GRAMD1C: variants seen among roughly 807,000 people sequenced by gnomAD.
The protein encoded by GRAMD1C is GRAM domain containing 1C, also known as protein Aster-C.
In GRAMD1C, 89 loss-of-function variants were observed where a neutral mutation model predicts 97.8. The ratio of observed to expected loss-of-function variants is 0.91; its 90% CI spans 0.77 to 1.09. GRAMD1C has a LOEUF of 1.09. GRAMD1C is among the 50% of genes least tolerant of loss of function. The pLI is 0.00. For missense variants in GRAMD1C, 740 were observed against 766.4 expected, an observed-to-expected ratio of 0.97 and a Z score of 0.41; for synonymous variants, 256 against 267.0, an observed-to-expected ratio of 0.96 and a Z score of 0.40.
rs201759900 is a variant in GRAMD1C, at chr3:113,933,539, G to A, written c.1238G>A (p.Arg413Gln). ...QTLYKESREA[R>Q]FYLVDSEVLT... ...CTGTATAAAGAAAGTCGGGAAGCAC[G>A]ATTTTATTTGGTAGATTCAGAAGTA... Residue 413 changes from arginine (R) to glutamine (Q), a missense_variant, in exon 12 of 18, where the codon CGA (arginine) becomes CAA (glutamine). Coordinates refer to ENST00000358160, the MANE Select transcript of GRAMD1C (RefSeq NM_017577.5). The A allele has an allele frequency of 1.1e-4, 176 of 1,611,720 alleles. 1 individual carries two copies. The East Asian group carries it at 2.2e-3, about 20-fold the overall frequency.
intron 1 of GRAMD1C, among the ~76,000 whole-genome samples, chr3:113,833,126 T>TGTGTGTG (rs1559769409): frequency 6.7e-5 from 10 of 149,668 alleles, no homozygotes; most frequent in African/African-American, 2.2e-4. Flanking sequence ...CTTTCTTTTT[T>TGTGTGTG]TTTTTTTTTG....
intron 10 of GRAMD1C, among the ~76,000 whole-genome samples, chr3:113,920,516 A>G (rs1937005120): frequency 6.6e-6 from 1 of 152,144 alleles, no homozygotes; most frequent in African/African-American, 2.4e-5. Flanking sequence ...GGTGAGAAAA[A>G]TAAATAAAAT....
At chr3:113,888,124 A>G (rs530114871) in intron 6 of GRAMD1C, among the ~76,000 whole-genome samples, 29 of 152,320 alleles carry the variant, frequency 1.9e-4, no homozygotes, top group Non-Finnish European at 4.0e-4. Context: ...TCACAACTTT[A>G]TCTATGAGTA....
intron 7 of GRAMD1C, 68 bp downstream of exon 7, chr3:113,901,214 C>T (rs76416982): frequency 1.8e-5 from 15 of 833,852 alleles, no homozygotes; most frequent in Middle Eastern, 2.4e-4. Flanking sequence ...ATTTTACATT[C>T]GACTAATTCT....
intron 4 of GRAMD1C, chr3:113,875,821 G>A (rs1448789427): frequency 5.0e-6 from 2 of 403,932 alleles, no homozygotes; most frequent in Non-Finnish European, 8.7e-6. Context: ...TTGAAAAAAA[G>A]CTTGAACATA....
chr3:113,883,225 G>A (rs1935326816), intron 6 of GRAMD1C, among the ~76,000 whole-genome samples: 2 of 152,020 alleles, frequency 1.3e-5, no homozygotes, highest in South Asian at 2.1e-4. Flanking sequence ...TAGGCAGAAT[G>A]AAAAAATACA....
At chr3:113,844,424 G>T in intron 1 of GRAMD1C, 79 bp from the exon 2 acceptor site, 1 of 933,444 alleles carries the variant, frequency 1.1e-6, no homozygotes, top group Non-Finnish European at 1.7e-6. Flanking sequence ...TAATGTATAT[G>T]TTGTGAACAT....
intron 1 of GRAMD1C, among the ~76,000 whole-genome samples, chr3:113,839,876 G>A (rs193276238): frequency 1.6e-4 from 24 of 152,246 alleles, no homozygotes; most frequent in Admixed American, 1.4e-3. Context: ...CAGAGAGACA[G>A]GAATCTACTG....
chr3:113,927,391 G>A (rs1937263436), intron 10 of GRAMD1C, among the ~76,000 whole-genome samples: 2 of 152,258 alleles, frequency 1.3e-5, no homozygotes, highest in Admixed American at 1.3e-4. Flanking sequence ...ATGGTTGGCA[G>A]ACAGGCCATA....
chr3:113,890,216 G>C (rs1279776695), intron 6 of GRAMD1C, among the ~76,000 whole-genome samples: 4 of 152,188 alleles, frequency 2.6e-5, no homozygotes, highest in Non-Finnish European at 4.4e-5. Flanking sequence ...GAGGGGGCTT[G>C]CCAAGCCCAG....
At chr3:113,874,220 T>C (rs970090212) in intron 3 of GRAMD1C, among the ~76,000 whole-genome samples, 2 of 152,218 alleles carry the variant, frequency 1.3e-5, no homozygotes, top group African/African-American at 4.8e-5. Context: ...AGCAGCCCTT[T>C]GTATCTTATA....
At chr3:113,914,711 C>G (rs559569518) in intron 9 of GRAMD1C, among the ~76,000 whole-genome samples, 1 of 149,230 alleles carries the variant, frequency 6.7e-6, no homozygotes, top group South Asian at 2.1e-4. Flanking sequence ...TTTGGTTCTT[C>G]TAAGTTAAAT....
chr3:113,869,000 T>G (rs1375623684), intron 2 of GRAMD1C, among the ~76,000 whole-genome samples: 3 of 152,046 alleles, frequency 2.0e-5, no homozygotes, highest in East Asian at 3.9e-4. Flanking sequence ...CTTTCACTCC[T>G]GGGCATAGAT....
intron 1 of GRAMD1C, among the ~76,000 whole-genome samples, chr3:113,832,430 A>G (rs142062194): frequency 3.3e-5 from 5 of 152,190 alleles, no homozygotes; most frequent in African/African-American, 9.7e-5. Flanking sequence ...TTTATAAACT[A>G]CTTTTTTATG....
At chr3:113,872,382 CTTT>C (rs1160149311) in intron 3 of GRAMD1C, among the ~76,000 whole-genome samples, 1 of 103,632 alleles carries the variant, frequency 9.6e-6, no homozygotes, top group South Asian at 3.1e-4. Flanking sequence ...CCACTTCATT[CTTT>C]TTTTTCTTTT....
At chr3:113,884,428 A>C (rs997677294) in intron 6 of GRAMD1C, among the ~76,000 whole-genome samples, 7 of 152,236 alleles carry the variant, frequency 4.6e-5, no homozygotes, top group African/African-American at 1.7e-4. Context: ...ACAACAAAAC[A>C]TACCAAAACC....
intron 1 of GRAMD1C, among the ~76,000 whole-genome samples, chr3:113,839,561 T>A (rs539133755): frequency 1.5e-3 from 234 of 152,290 alleles, no homozygotes; most frequent in Non-Finnish European, 2.8e-3. Context: ...AGCGTTATAG[T>A]TTACAGATTA....
intron 1 of GRAMD1C, among the ~76,000 whole-genome samples, chr3:113,840,664 G>A (rs1277096853): frequency 6.6e-6 from 1 of 152,202 alleles, no homozygotes; most frequent in Non-Finnish European, 1.5e-5. Flanking sequence ...GCTGAGATAG[G>A]AAGATCACTT....
chr3:113,834,771 TAAA>T (rs776577187), upstream of GRAMD1C, among the ~76,000 whole-genome samples: 2,586 of 119,892 alleles, frequency 0.022, 70 homozygotes, highest in African/African-American at 0.072. Context: ...CTGTCTCTAC[TAAA>T]AAAAAAAAAA....
Sources: gnomAD v4.1 joint callset for allele counts (sites outside exome capture counted in the v4.1 genomes callset) on GRCh38, gnomAD v4.1.1 for gene constraint, MANE v1.5 for transcripts, NCBI Gene and HGNC (gene_info 2026-07-23, HGNC 2026-07-21) for gene names.